Variants in PRKN observed in about 807,000 individuals in gnomAD.
PRKN encodes E3 ubiquitin-protein ligase parkin.
In PRKN, 56 loss-of-function variants were observed where a neutral mutation model predicts 59.5. The ratio of observed to expected loss-of-function variants is 0.94; its 90% confidence interval spans 0.76 to 1.18. PRKN has a LOEUF of 1.18. Among genes scored for constraint, PRKN ranks in the 50% most tolerant of loss-of-function variants. The probability of loss-of-function intolerance (pLI) is 0.00; values close to 1 mark genes in which losing one functional copy is unlikely to be tolerated. For missense variants in PRKN, 657 were observed against 596.4 expected (o/e 1.10, Z -1.06); for synonymous variants, 250 against 222.1 (o/e 1.13, Z -1.12).
intron 7 of PRKN, among the ~76,000 whole-genome samples, chr6:161,733,783 A>AAATATATATATATGTATATATAT (rs35360887): frequency 3.5e-5 from 3 of 86,228 alleles, no homozygotes; most frequent in Admixed American, 2.6e-4. Context: ...AAAAAAAAAA[A>AAATATATATATATGTATATATAT]ATATATATAT....
At chr6:161,594,733 C>T (rs200234788) in intron 7 of PRKN, among the ~76,000 whole-genome samples, 1 of 151,958 alleles carries the variant, frequency 6.6e-6, no homozygotes, top group African/African-American at 2.4e-5. Context: ...GACTGAATAA[C>T]TGAACAACTA....
rs549986279 is a variant in PRKN at position 161,574,997 on chromosome 6, A to C, written c.872-5581T>G. ...GCTGTCCTTGGAAATTTAAAAGAGA[A>C]TGTCACCTCTTTCCGTGCCATCCTC... is the stretch of plus-strand genomic sequence containing the variant. On this transcript the variant is annotated intron_variant, in intron 7 of 11. Transcript: ENST00000366898. Among the ~76,000 whole-genome samples, 71 of 152,214 alleles carry C rather than the reference A, an allele frequency of 4.7e-4. 1 individual carries two copies. The South Asian group carries it at 0.013, about 28-fold the overall frequency.
At chr6:162,025,205 C>CG (rs1783382819) in intron 5 of PRKN, among the ~76,000 whole-genome samples, 4 of 151,818 alleles carry the variant, frequency 2.6e-5, no homozygotes, top group Admixed American at 2.6e-4. Flanking sequence ...TTAGTAGAGA[C>CG]GGGGTTTCAC....
intron 1 of PRKN, among the ~76,000 whole-genome samples, chr6:162,591,184 G>T (rs1167811588): frequency 1.3e-5 from 2 of 151,982 alleles, no homozygotes; most frequent in Non-Finnish European, 2.9e-5. Flanking sequence ...ACAGAGGTAG[G>T]CAAACACAGC....
In PRKN at chr6:162,415,239, A is replaced by T. The variant is rs542184791; in HGVS notation, c.171+28071T>A. ...GGGGAAAGTTATTTGGACTGGTAAC[A>T]CTAGAAACTATTTAAATTTTAACAC... On this transcript the variant is annotated intron_variant, in intron 2 of 11. Transcript: ENST00000366898. 4.6e-4 allele frequency among the ~76,000 whole-genome samples: 70 copies of T among 152,246 alleles called. 1 individual carries two copies. Among genetic ancestry groups the T allele is most frequent in the Non-Finnish European group, 8.7e-4 (59 of 68,022 alleles).
At chr6:162,425,104 C>T (rs1407083311) in intron 2 of PRKN, among the ~76,000 whole-genome samples, 2 of 151,814 alleles carry the variant, frequency 1.3e-5, no homozygotes, top group East Asian at 3.9e-4. Flanking sequence ...TAGAAGAAAA[C>T]TTATTGACCT....
In PRKN at chr6:161,582,572, G is replaced by A. The variant is rs1488930393; in HGVS notation, c.872-13156C>T. Among the ~76,000 whole-genome samples the A allele has an allele frequency of 1.3e-5, 2 of 151,830 alleles. No homozygotes were observed. The highest frequency in any genetic ancestry group is 1.5e-5 in the Non-Finnish European group (1 of 67,994). ...CTCCCAAGCAGCTGGGACTACAGGCGCCTGCCACCTCGCCTGGCTAATTGT... is the reference window on the plus strand; with the variant it reads ...CTCCCAAGCAGCTGGGACTACAGGCACCTGCCACCTCGCCTGGCTAATTGT... On this transcript the variant is annotated intron_variant, in intron 7 of 11. Coordinates refer to ENST00000366898, the MANE Select transcript of PRKN (RefSeq NM_004562.3). This position sits in a 1 kb window ranked among gnomAD's most constrained non-coding sequence, Gnocchi z 4.4.
intron 7 of PRKN, among the ~76,000 whole-genome samples, chr6:161,693,807 C>T (rs965284409): frequency 6.6e-6 from 1 of 152,110 alleles, no homozygotes; most frequent in Non-Finnish European, 1.5e-5. Flanking sequence ...ATGGCCAATT[C>T]CCAAAGTTTC....
intron 5 of PRKN, among the ~76,000 whole-genome samples, chr6:162,031,138 C>T (rs1362171425): frequency 6.6e-6 from 1 of 151,608 alleles, no homozygotes; most frequent in African/African-American, 2.4e-5. Context: ...ATGTCCAGCT[C>T]GGATGTCCTC....
At chr6:161,770,932 T>C (rs531065860) in intron 7 of PRKN, among the ~76,000 whole-genome samples, 2 of 152,124 alleles carry the variant, frequency 1.3e-5, no homozygotes, top group Admixed American at 1.3e-4. Flanking sequence ...GGAGAGAGGC[T>C]TCAGGAGAAA....
At chr6:161,901,707 A>G (rs1777922477) in intron 6 of PRKN, among the ~76,000 whole-genome samples, 1 of 152,254 alleles carries the variant, frequency 6.6e-6, no homozygotes, top group Admixed American at 6.5e-5. Context: ...ACAAATATTA[A>G]CAAGAACAGG....
chr6:161,472,189 G>A (rs1430980686), intron 9 of PRKN, among the ~76,000 whole-genome samples: 1 of 152,164 alleles, frequency 6.6e-6, no homozygotes, highest in Non-Finnish European at 1.5e-5. Flanking sequence ...ACAACAGAGG[G>A]AGGTTGATTT....
intron 2 of PRKN, among the ~76,000 whole-genome samples, chr6:162,274,232 C>T (rs996720006): frequency 3.3e-5 from 5 of 151,970 alleles, no homozygotes; most frequent in Non-Finnish European, 7.4e-5. Context: ...CTCTGTCACT[C>T]AGGCTGGAGT....
Position 161,399,967 on chromosome 6 carries a change from G to A in PRKN, c.1084-13090C>T, listed in dbSNP as rs1036954093. Among the ~76,000 whole-genome samples the A allele has an allele frequency of 3.3e-5, 5 of 152,080 alleles. No individual in the cohort carries two copies. Among genetic ancestry groups the A allele is most frequent in the Admixed American group, 6.6e-5 (1 of 15,266 alleles). On this transcript the variant is annotated intron_variant, in intron 9 of 11. Transcript: ENST00000366898. This position sits in a 1 kb window ranked among gnomAD's most constrained non-coding sequence, Gnocchi z 4.4. ...CAACATGCAATCGATATAAAAATTG[G>A]TAATGAGTTATTTTATATTCATTTT... is the stretch of plus-strand genomic sequence containing the variant.
At chr6:162,664,329 T>A (rs1779013488) in intron 1 of PRKN, among the ~76,000 whole-genome samples, 1 of 152,238 alleles carries the variant, frequency 6.6e-6, no homozygotes, top group African/African-American at 2.4e-5. Context: ...GTCTTTGCTA[T>A]TGTGAACAGT....
chr6:161,830,415 C>T (rs1177745723), intron 6 of PRKN, among the ~76,000 whole-genome samples: 1 of 152,056 alleles, frequency 6.6e-6, no homozygotes, highest in Non-Finnish European at 1.5e-5. Context: ...CCATGCCGAG[C>T]TAATTTTTTT....
chr6:162,408,423 C>A (rs1223727255), intron 2 of PRKN, among the ~76,000 whole-genome samples: 1 of 152,022 alleles, frequency 6.6e-6, no homozygotes, highest in Non-Finnish European at 1.5e-5. Flanking sequence ...TCACAAAATG[C>A]CCTCAATATG....
chr6:161,759,495 G>T (rs1789098926), intron 7 of PRKN, among the ~76,000 whole-genome samples: 1 of 40,680 alleles, frequency 2.5e-5, no homozygotes, highest in Admixed American at 1.7e-4. Context: ...GATTCTTTGT[G>T]TCTTCAGTAT....
At chr6:161,812,325 A>C (rs149207903) in intron 6 of PRKN, among the ~76,000 whole-genome samples, 388 of 152,196 alleles carry the variant, frequency 2.5e-3, no homozygotes, top group African/African-American at 8.9e-3. Flanking sequence ...TTTAGGCCAG[A>C]AGTTTGAGGC....
Sources: gnomAD v4.1 joint callset for allele counts (sites outside exome capture counted in the v4.1 genomes callset) on GRCh38, gnomAD v4.1.1 for gene constraint, Gnocchi (gnomAD v3.1) non-coding constraint, MANE v1.5 for transcripts, NCBI Gene and HGNC (gene_info 2026-07-23, HGNC 2026-07-21) for gene names.